BRSK2: variants seen among roughly 807,000 people sequenced by gnomAD.
BRSK2 encodes BR serine/threonine kinase 2.
A neutral mutation model predicts 83.3 loss-of-function variants in BRSK2; 19 were observed. That is an observed-to-expected ratio of 0.23 (90% confidence interval 0.16 to 0.33). The LOEUF (loss-of-function observed/expected upper bound fraction) is 0.33, where lower values mean the gene tolerates loss of function less well. Among genes scored for constraint, BRSK2 ranks in the 10% least tolerant of loss-of-function variants. BRSK2 has a pLI of 1.00. For missense variants in BRSK2, 798 were observed against 1,042.3 expected, an observed-to-expected ratio of 0.77 and a Z score of 3.23; for synonymous variants, 519 against 435.4, an observed-to-expected ratio of 1.19 and a Z score of -2.39.
At position 1,428,510 on chromosome 11, in the gene BRSK2, C is replaced by G. The variant is rs189565148; in HGVS notation, c.92-7530C>G. 2.5e-3 allele frequency among the ~76,000 whole-genome samples: 376 copies of G among 152,354 alleles called. 3 individuals are homozygous for G. The highest frequency in any genetic ancestry group is 8.8e-3 in the African/African-American group (366 of 41,584). ...GAAATAGGGGTGAAGGGGCCCCACT[C>G]AAAGCAGCGCCTGGAGCAAGGCCAG... On this transcript the variant is annotated intron_variant, in intron 1 of 19. Transcript: ENST00000528841.
rs1037736571 is a variant in BRSK2 at position 1,456,345 on chromosome 11, C to T, written c.1669-3C>T. On this transcript the variant is annotated splice_polypyrimidine_tract_variant and splice_region_variant and intron_variant, in intron 16 of 19. Coordinates refer to ENST00000528841, the MANE Select transcript of BRSK2 (RefSeq NM_001256627.2). ...CCACGCTCACGCTGCTCTCTCTCCA[C>T]AGATTCCCAGTCTCAGCCACAGCGT... The T allele has an allele frequency of 3.9e-6, 6 of 1,555,392 alleles. No homozygotes were observed. The African/African-American group carries it at 8.2e-5, about 21-fold the overall frequency.
intron 1 of BRSK2, among the ~76,000 whole-genome samples, chr11:1,406,600 C>T (rs1306931701): frequency 6.6e-6 from 1 of 152,234 alleles, no homozygotes; most frequent in East Asian, 1.9e-4. Context: ...GCCCAAACCC[C>T]TGCAGAGGAT....
chr11:1,405,588 G>A (rs1846813356), intron 1 of BRSK2, among the ~76,000 whole-genome samples: 1 of 152,104 alleles, frequency 6.6e-6, no homozygotes. Flanking sequence ...AGGGGTCTGG[G>A]ATGGGGGACC....
chr11:1,402,449 C>T (rs1415903102), intron 1 of BRSK2, among the ~76,000 whole-genome samples: 1 of 152,228 alleles, frequency 6.6e-6, no homozygotes, highest in Admixed American at 6.5e-5. Flanking sequence ...CCACCTGAAC[C>T]TTGTCCGTGC....
intron 1 of BRSK2, among the ~76,000 whole-genome samples, chr11:1,413,668 C>G (rs1220718694): frequency 6.6e-6 from 1 of 152,210 alleles, no homozygotes. Context: ...GCCCACCACC[C>G]ACTGACCCTG....
At chr11:1,439,497 G>A (rs1383342026) in intron 3 of BRSK2, among the ~76,000 whole-genome samples, 1 of 151,648 alleles carries the variant, frequency 6.6e-6, no homozygotes, top group African/African-American at 2.4e-5. Flanking sequence ...CACGGTGCCG[G>A]TGCAGTGGGG....
intron 1 of BRSK2, chr11:1,410,881 C>T: frequency 1.2e-5 from 12 of 985,830 alleles, no homozygotes; most frequent in Non-Finnish European, 1.4e-5. Context: ...GGTAGGAGGG[C>T]CTTCGACGGC....
At chr11:1,458,632 T>C (rs1004665533) in intron 18 of BRSK2, among the ~76,000 whole-genome samples, 8 of 152,112 alleles carry the variant, frequency 5.3e-5, no homozygotes, top group Admixed American at 5.2e-4. Context: ...CCAGGGCGTG[T>C]GTCCACCCTG....
At position 1,451,378 on chromosome 11, in the gene BRSK2, G is replaced by T. The variant is rs202173156; in HGVS notation, c.1503G>T (p.Thr501=). 1 of 1,612,964 alleles carries T rather than the reference G, an allele frequency of 6.2e-7. No homozygotes were observed. Among genetic ancestry groups the T allele is most frequent in the South Asian group, 1.1e-5 (1 of 91,084 alleles). The change falls in exon 15 of 20, where the codon ACG becomes ACT. Residue 501 remains threonine, a synonymous_variant. Coordinates refer to ENST00000528841, the MANE Select transcript of BRSK2 (RefSeq NM_001256627.2). ...RFHRRKLQVP[T]PEEMSNLTPE... is the part of the protein sequence containing the mutation. Reference sequence around the variant, plus strand: ...TTCATCCTGTGTGCACAGTTCCGACGCCGGAGGAGATGTCCAACCTGACAC... The same window carrying T: ...TTCATCCTGTGTGCACAGTTCCGACTCCGGAGGAGATGTCCAACCTGACAC...
chr11:1,451,608 C>G (rs1845830277), intron 15 of BRSK2, among the ~76,000 whole-genome samples, 189 bp downstream of exon 15: 2 of 152,304 alleles, frequency 1.3e-5, no homozygotes, highest in South Asian at 4.1e-4. Context: ...GGAAGGCCAG[C>G]CAGGGGAGGA....
intron 19 of BRSK2, 47 bp from the exon 20 acceptor site, chr11:1,460,453 C>CTTCTTTTTTTTTTT: frequency 8.7e-7 from 1 of 1,143,924 alleles, no homozygotes; most frequent in Non-Finnish European, 1.1e-6. Context: ...CCTTTTTTTT[C>CTTCTTTTTTTTTTT]TTTTTTCCTT....
At chr11:1,449,154 CGCCGGGCCA>C (rs1195717239) in intron 12 of BRSK2, among the ~76,000 whole-genome samples, 1 of 152,212 alleles carries the variant, frequency 6.6e-6, no homozygotes, top group East Asian at 1.9e-4. Context: ...CAGCCGGGCA[CGCCGGGCCA>C]GGGCCTCCCT....
At chr11:1,408,793 G>T (rs1430750728) in intron 1 of BRSK2, among the ~76,000 whole-genome samples, 1 of 150,026 alleles carries the variant, frequency 6.7e-6, no homozygotes, top group Admixed American at 6.6e-5. Flanking sequence ...CTGTGCAAGG[G>T]TGTGTGTTTG....
rs1846235805 is a variant in BRSK2 at position 1,454,531 on chromosome 11, G to A, written c.1591G>A (p.Glu531Lys). The A allele has an allele frequency of 6.2e-7, 1 of 1,613,338 alleles. No homozygotes were observed. Among genetic ancestry groups the A allele is most frequent in the African/African-American group, 1.3e-5 (1 of 75,038 alleles). Residue 531 changes from glutamate to lysine, a missense_variant, in exon 16 of 20, where the codon GAG (glutamate) becomes AAG (lysine). By Grantham distance (56) the Glu-to-Lys change is moderately conservative. Coordinates refer to ENST00000528841, the MANE Select transcript of BRSK2 (RefSeq NM_001256627.2). This position sits in a 1 kb window ranked among gnomAD's most constrained non-coding sequence, Gnocchi z 5.2. ...TGGGAACTTCATCAGCCTGGAGAAG[G>A]AGGAGCAGATCTTCGTGGTCATCAA... ...WFGNFISLEKEEQIFVVIKDK... is the reference protein window; with the variant it reads ...WFGNFISLEKKEQIFVVIKDK...
At chr11:1,444,285 C>G (rs1039000531) in intron 8 of BRSK2, among the ~76,000 whole-genome samples, 1 of 152,152 alleles carries the variant, frequency 6.6e-6, no homozygotes, top group Non-Finnish European at 1.5e-5. Context: ...GCTGCTGGTC[C>G]TGACCTCCTC....
intron 1 of BRSK2, among the ~76,000 whole-genome samples, chr11:1,427,604 G>A (rs1435517779): frequency 6.6e-6 from 1 of 152,224 alleles, no homozygotes; most frequent in Non-Finnish European, 1.5e-5. Context: ...CAGAAATGGG[G>A]CCTGGCGTGA....
chr11:1,448,060 G>A (rs1852399963), intron 12 of BRSK2, among the ~76,000 whole-genome samples: 1 of 152,142 alleles, frequency 6.6e-6, no homozygotes, highest in Non-Finnish European at 1.5e-5. Context: ...CTGAGGCGTG[G>A]CCCACGCCTG....
At chr11:1,448,999 C>T (rs541967900) in intron 12 of BRSK2, among the ~76,000 whole-genome samples, 5 of 152,362 alleles carry the variant, frequency 3.3e-5, no homozygotes, top group East Asian at 1.9e-4. Context: ...GCGGCTGCCT[C>T]GGCCCCTCCC....
intron 1 of BRSK2, among the ~76,000 whole-genome samples, chr11:1,422,155 C>G (rs1332661418): frequency 6.6e-6 from 1 of 152,170 alleles, no homozygotes; most frequent in Non-Finnish European, 1.5e-5. Flanking sequence ...GTGGGCCCCC[C>G]ATGAGCCCCT....
Sources: gnomAD v4.1 joint callset for allele counts (sites outside exome capture counted in the v4.1 genomes callset) on GRCh38, gnomAD v4.1.1 for gene constraint, Gnocchi (gnomAD v3.1) non-coding constraint, MANE v1.5 for transcripts, NCBI Gene and HGNC (gene_info 2026-07-23, HGNC 2026-07-21) for gene names.